Variants in KIAA0825 observed in about 807,000 individuals in gnomAD.
KIAA0825 encodes uncharacterized protein KIAA0825.
Under a neutral mutation model 147.6 loss-of-function variants are expected in KIAA0825, and 119 were observed. The observed-to-expected ratio is 0.81, with a 90% confidence interval of 0.69 to 0.94. KIAA0825 has a LOEUF of 0.94. Among genes scored for constraint, KIAA0825 ranks in the 40% least tolerant of loss-of-function variants. KIAA0825 has a pLI of 0.00. For missense variants in KIAA0825, 1,381 were observed against 1,472.7 expected, an observed-to-expected ratio of 0.94 and a Z score of 1.02; for synonymous variants, 470 against 518.1, an observed-to-expected ratio of 0.91 and a Z score of 1.26.
chr5:94,596,808 C>G (rs891077253), intron 1 of KIAA0825, among the ~76,000 whole-genome samples: 3 of 151,954 alleles, frequency 2.0e-5, no homozygotes, highest in African/African-American at 7.2e-5. Flanking sequence ...GGTTAGTTGT[C>G]TTCCTAGGTA....
chr5:94,305,735 C>A (rs1000304194), intron 20 of KIAA0825, among the ~76,000 whole-genome samples: 4 of 151,772 alleles, frequency 2.6e-5, no homozygotes, highest in South Asian at 2.1e-4. Flanking sequence ...TTTTGACATG[C>A]CAAACTCAAT....
At chr5:94,417,033 A>G in intron 15 of KIAA0825, 168 bp downstream of exon 15, 1 of 542,654 alleles carries the variant, frequency 1.8e-6, no homozygotes. Flanking sequence ...TACAGGAACC[A>G]ATAATTAATG....
At chr5:94,576,731 G>A (rs1435145400) in intron 2 of KIAA0825, among the ~76,000 whole-genome samples, 9 of 152,144 alleles carry the variant, frequency 5.9e-5, no homozygotes, top group African/African-American at 1.9e-4. Flanking sequence ...TTACATTGCT[G>A]CTTCATTACT....
chr5:94,205,546 C>A (rs1438721884), intron 20 of KIAA0825, among the ~76,000 whole-genome samples: 4 of 152,082 alleles, frequency 2.6e-5, no homozygotes, highest in Middle Eastern at 6.8e-3. Flanking sequence ...CCGCCTTGGC[C>A]TCCCAAAGTG....
At chr5:94,597,760 A>G (rs2152410396) in intron 1 of KIAA0825, among the ~76,000 whole-genome samples, 1 of 152,324 alleles carries the variant, frequency 6.6e-6, no homozygotes, top group East Asian at 1.9e-4. Context: ...TACCTAGGCT[A>G]TAATGGTATT....
At chr5:94,546,517 C>CAGAGAGAGAG (rs34483380) in intron 2 of KIAA0825, among the ~76,000 whole-genome samples, 1 of 149,062 alleles carries the variant, frequency 6.7e-6, no homozygotes, top group Non-Finnish European at 1.5e-5. Flanking sequence ...TGGCTCAGCA[C>CAGAGAGAGAG]AGAGAGAGAG....
At chr5:94,163,637 A>T (rs1162033699) in intron 20 of KIAA0825, among the ~76,000 whole-genome samples, 3 of 152,204 alleles carry the variant, frequency 2.0e-5, no homozygotes, top group Non-Finnish European at 4.4e-5. Context: ...TAATTTAGTC[A>T]TCAGTAAAAT....
chr5:94,509,526 G>C (rs369383586), intron 5 of KIAA0825, among the ~76,000 whole-genome samples: 2 of 152,126 alleles, frequency 1.3e-5, no homozygotes, highest in South Asian at 4.1e-4. Context: ...AAGCCTGAGA[G>C]GATCACTTGT....
Position 94,520,433 on chromosome 5 carries a change from A to G in KIAA0825, c.785T>C (p.Leu262Pro). The stretch of plus-strand genomic sequence containing the variant: ...TGAAGATGGAGCTAAAATTTCACAT[A>G]GTGTGTTAAAATCCTCTTTTATTAC... ...YSVIKEDFNT[L>P]CEILAPSSMV... Residue 262 changes from leucine to proline, a missense_variant, in exon 5 of 21, where the codon CTA becomes CCA. Coordinates refer to ENST00000682413, the MANE Select transcript of KIAA0825 (RefSeq NM_001145678.3). The G allele has an allele frequency of 6.2e-7, 1 of 1,612,686 alleles. No individual in the cohort carries two copies. The highest frequency in any genetic ancestry group is 1.1e-5 in the South Asian group (1 of 91,040).
chr5:94,153,795 G>A lies in KIAA0825; in HGVS notation c.*212C>T, dbSNP rs2149898629. On this transcript the variant is annotated 3_prime_UTR_variant, in exon 21 of 21. Coordinates refer to ENST00000682413, the MANE Select transcript of KIAA0825 (RefSeq NM_001145678.3). ...TTATATCATATAAAGAGAAAGATTGGGGAAAGAAAAACATTTGAAATTATT... is the reference window on the plus strand; with the variant it reads ...TTATATCATATAAAGAGAAAGATTGAGGAAAGAAAAACATTTGAAATTATT... The A allele has an allele frequency of 2.5e-6, 1 of 398,590 alleles. No individual in the cohort carries two copies. Among genetic ancestry groups the A allele is most frequent in the East Asian group, 3.6e-5 (1 of 27,428 alleles). 24.7% of individuals were successfully genotyped at this position (398,590 alleles called of 1,614,324 possible). A position where few individuals can be genotyped will look rare whatever the true frequency, so the allele number is the denominator to read the frequency against.
intron 20 of KIAA0825, among the ~76,000 whole-genome samples, chr5:94,189,184 G>A (rs990082285): frequency 1.1e-4 from 17 of 152,116 alleles, no homozygotes; most frequent in Admixed American, 9.2e-4. Flanking sequence ...GTCAAGAATC[G>A]TCTATAAAAA....
At chr5:94,247,268 A>G (rs1051034483) in intron 20 of KIAA0825, among the ~76,000 whole-genome samples, 1 of 152,142 alleles carries the variant, frequency 6.6e-6, no homozygotes, top group Admixed American at 6.6e-5. Flanking sequence ...TTTGTGCCCA[A>G]TGTAATCATC....
intron 8 of KIAA0825, 129 bp downstream of exon 8, chr5:94,473,163 A>T (rs952304354): frequency 8.8e-6 from 6 of 678,892 alleles, no homozygotes; most frequent in Non-Finnish European, 1.5e-5. Flanking sequence ...GAAAACTGGT[A>T]CTGGGTCAAG....
At chr5:94,176,050 C>T (rs540341958) in intron 20 of KIAA0825, among the ~76,000 whole-genome samples, 179 of 152,158 alleles carry the variant, frequency 1.2e-3, no homozygotes, top group African/African-American at 3.7e-3. Context: ...GTGGTTTGCT[C>T]CTGCCAAGAC....
At chr5:94,341,178 T>A (rs1782333241) in intron 20 of KIAA0825, among the ~76,000 whole-genome samples, 1 of 152,220 alleles carries the variant, frequency 6.6e-6, no homozygotes, top group African/African-American at 2.4e-5. Flanking sequence ...AGAAAAAATA[T>A]GAAAAATGTT....
intron 2 of KIAA0825, among the ~76,000 whole-genome samples, chr5:94,545,859 T>C (rs1017863268): frequency 1.3e-5 from 2 of 152,176 alleles, no homozygotes; most frequent in Non-Finnish European, 2.9e-5. Context: ...TTAGTCTTGC[T>C]CTTTAGGTAT....
intron 20 of KIAA0825, among the ~76,000 whole-genome samples, chr5:94,246,371 C>T (rs61506546): frequency 0.027 from 4,161 of 152,090 alleles, 209 homozygotes; most frequent in African/African-American, 0.096. Context: ...AGTATTAGTA[C>T]TGATAAGCTT....
intron 5 of KIAA0825, among the ~76,000 whole-genome samples, chr5:94,496,751 C>T (rs562979304): frequency 6.6e-6 from 1 of 152,296 alleles, no homozygotes; most frequent in South Asian, 2.1e-4. Flanking sequence ...TCCCGTGGAA[C>T]ATGGGCCAGA....
At chr5:94,173,776 A>G (rs1006472458) in intron 20 of KIAA0825, among the ~76,000 whole-genome samples, 1 of 152,176 alleles carries the variant, frequency 6.6e-6, no homozygotes, top group Non-Finnish European at 1.5e-5. Context: ...CATCTTTAGA[A>G]AATACAATCC....
Sources: allele counts gnomAD v4.1 joint callset (sites outside exome capture counted in the v4.1 genomes callset), GRCh38; gene constraint gnomAD v4.1.1; transcripts MANE v1.5; gene names NCBI Gene and HGNC (gene_info 2026-07-23, HGNC 2026-07-21).